CCPG1: variants seen among roughly 807,000 people sequenced by gnomAD.
The protein encoded by CCPG1 is cell cycle progression 1, also known as cell cycle progression protein 1.
CCPG1 carries 46 observed loss-of-function variants against 81.3 expected under a neutral mutation model. That is an observed-to-expected ratio of 0.57 (90% confidence interval 0.45 to 0.72). The LOEUF is 0.72. Ranked by LOEUF, CCPG1 falls within the 30% of genes least tolerant of loss-of-function variation. CCPG1 has a pLI of 0.00. For missense variants in CCPG1, 902 were observed against 937.6 expected (o/e 0.96, Z 0.50); for synonymous variants, 330 against 305.2 (o/e 1.08, Z -0.85).
chr15:55,377,245 C>T, intron 4 of CCPG1, 95 bp from the exon 5 acceptor site: 1 of 829,404 alleles, frequency 1.2e-6, no homozygotes, highest in South Asian at 1.7e-5. Flanking sequence ...TTATAGTCAT[C>T]TGAGTTAAAA....
At chr15:55,400,353 G>C (rs6493782) in intron 1 of CCPG1, among the ~76,000 whole-genome samples, 148,982 of 151,598 alleles carry the variant, frequency 0.98, 73,250 homozygotes, top group East Asian at 1. Flanking sequence ...TACTAAAATA[G>C]AAAAATTAGC....
At position 55,359,870 on chromosome 15, in the gene CCPG1, A is replaced by G. The variant is rs2056154940; in HGVS notation, c.1903T>C (p.Cys635Arg). 1.2e-6 allele frequency: 2 copies of G among 1,613,840 alleles called. No individual in the cohort carries two copies. The highest frequency in any genetic ancestry group is 1.7e-6 in the Non-Finnish European group (2 of 1,179,968). ...AGGCTCATGGACTCTTGTTGAGCAC[A>G]ATCAAATACACCAGAACAAGCCTTT... ...FRKACSGVFD[C>R]AQQESMSLFN... The change falls in exon 8 of 9, where the codon TGT (cysteine) becomes CGT (arginine). Residue 635 changes from cysteine (C) to arginine (R), a missense_variant. Physicochemically the swap from Cys to Arg is radical, Grantham distance 180. Transcript: ENST00000442196.
chr15:55,360,922 C>A lies in CCPG1; in HGVS notation c.851G>T (p.Arg284Met). The part of the protein sequence containing the change: ...DYKSLKENLA[R>M]CWTLTEAEKM... ...CTCTGCTTCAGTAAGTGTCCAACAC[C>A]TTGCAAGATTTTCTTTCAATGACTA... is the stretch of plus-strand genomic sequence containing the variant. Residue 284 changes from arginine (R) to methionine (M), a missense_variant, in exon 8 of 9, where the codon AGG becomes ATG. By Grantham distance (91) the Arg-to-Met change is moderately conservative. Transcript: ENST00000442196. 1 of 1,543,330 alleles carries A rather than the reference C, an allele frequency of 6.5e-7. No homozygotes were observed. Among genetic ancestry groups the A allele is most frequent in the Admixed American group, 2.3e-5 (1 of 44,378 alleles).
chr15:55,365,216 T>C lies in CCPG1; in HGVS notation c.800A>G (p.Gln267Arg). 1 of 1,483,182 alleles carries C rather than the reference T, an allele frequency of 6.7e-7. No homozygotes were observed. Among genetic ancestry groups the C allele is most frequent in the Non-Finnish European group, 9.3e-7 (1 of 1,071,090 alleles). 91.9% of individuals were successfully genotyped at this position (1,483,182 alleles called of 1,614,324 possible). Residue 267 changes from glutamine to arginine, a missense_variant, in exon 7 of 9, where the codon CAG becomes CGG. Physicochemically the swap from Gln to Arg is conservative, Grantham distance 43 (BLOSUM62 1). Around this residue, in one of 3 missense-constraint regions of CCPG1, gnomAD observed 746 missense variants for 728.6 expected, o/e 1.02. Coordinates refer to ENST00000442196, the MANE Select transcript of CCPG1 (RefSeq NM_001204450.2). ...ATAATCTATAAAAGATTCTTGTTCCTGTTGACACTGGGAAAGATAATCCTT... is the reference window on the plus strand; with the variant it reads ...ATAATCTATAAAAGATTCTTGTTCCCGTTGACACTGGGAAAGATAATCCTT... ...DMKDYLSQCQ[Q>R]EQESFIDYKS...
intron 8 of CCPG1, chr15:55,358,634 A>G: frequency 1.0e-6 from 1 of 985,418 alleles, no homozygotes; most frequent in Non-Finnish European, 1.2e-6. Context: ...TTCAGTTCAA[A>G]GGCCACCTCA....
chr15:55,378,149 T>C, intron 4 of CCPG1, 151 bp downstream of exon 4: 2 of 440,370 alleles, frequency 4.5e-6, no homozygotes, highest in Non-Finnish European at 8.0e-6. Flanking sequence ...TAAAATACTT[T>C]GCTTAGATGT....
chr15:55,361,456 C>A (rs1356998382), intron 7 of CCPG1, among the ~76,000 whole-genome samples: 2 of 151,286 alleles, frequency 1.3e-5, no homozygotes, highest in African/African-American at 4.9e-5. Context: ...GCCTGTAATC[C>A]CAGCACTTTG....
intron 3 of CCPG1, among the ~76,000 whole-genome samples, chr15:55,381,014 G>A (rs2056679157): frequency 6.6e-6 from 1 of 152,026 alleles, no homozygotes; most frequent in Non-Finnish European, 1.5e-5. Flanking sequence ...GTGGGCACCT[G>A]TAGTCCCAGC....
At chr15:55,362,055 A>T (rs2056212224) in intron 7 of CCPG1, among the ~76,000 whole-genome samples, 1 of 152,204 alleles carries the variant, frequency 6.6e-6, no homozygotes, top group Non-Finnish European at 1.5e-5. Context: ...AATCATGGTC[A>T]ATTCGGCTTA....
In CCPG1 at chr15:55,391,020, G is replaced by T. The variant is rs191219760; in HGVS notation, c.-9-1587C>A. Among the ~76,000 whole-genome samples, 269 of 152,312 alleles carry T rather than the reference G, an allele frequency of 1.8e-3. 1 individual carries two copies. Among genetic ancestry groups the T allele is most frequent in the African/African-American group, 6.2e-3 (257 of 41,574 alleles). On this transcript the variant is annotated intron_variant, in intron 1 of 8. Transcript: ENST00000442196. ...ATAAATTTTTTCTGTCCAGTCAGTA[G>T]AGGTTATCCAAAAAGCTACAGTTTA...
chr15:55,385,688 A>T lies in CCPG1; in HGVS notation c.87T>A (p.Ser29=). The part of the protein sequence containing the change: ...HEGSDIEMLN[S]VTPTDSCEPA... The stretch of plus-strand genomic sequence containing the variant: ...GCTCACAGCTGTCAGTGGGGGTCAC[A>T]GAATTCAACATTTCTATATCTGACC... Residue 29 remains serine (S), a synonymous_variant, in exon 3 of 9, where the codon TCT becomes TCA. Transcript: ENST00000442196. 6.2e-7 allele frequency: 1 copy of T among 1,607,710 alleles called. No homozygotes were observed. The highest frequency in any genetic ancestry group is 1.1e-5 in the South Asian group (1 of 90,922).
rs770336696 is a variant in CCPG1 at position 55,355,564 on chromosome 15, G to A, written c.*656C>T. 3 of 645,600 alleles carry A rather than the reference G, an allele frequency of 4.6e-6. No individual in the cohort carries two copies. Among genetic ancestry groups the A allele is most frequent in the Non-Finnish European group, 7.8e-6 (3 of 382,178 alleles). 40.0% of individuals were successfully genotyped at this position (645,600 alleles called of 1,614,324 possible). ...AACTGCTTTACCAAATATCACTACTGAGGAAATGTATAAAATACCACATAG... is the reference window on the plus strand; with the variant it reads ...AACTGCTTTACCAAATATCACTACTAAGGAAATGTATAAAATACCACATAG... On this transcript the variant is annotated 3_prime_UTR_variant, in exon 9 of 9. Transcript: ENST00000442196.
intron 5 of CCPG1, chr15:55,372,385 G>T: frequency 3.7e-6 from 1 of 270,708 alleles, no homozygotes; most frequent in Non-Finnish European, 7.2e-6. Context: ...TGCTGGCCAG[G>T]AGCAGTGGCT....
chr15:55,365,120 C>T lies in CCPG1; in HGVS notation c.828+68G>A, dbSNP rs118096863. 5.6e-4 allele frequency: 513 copies of T among 917,972 alleles called. 3 individuals are homozygous for T. The highest frequency in any genetic ancestry group is 6.4e-4 in the Non-Finnish European group (382 of 593,298). The allele number at this position is 917,972 out of a possible 1,614,324, so 56.9% of individuals were successfully genotyped here. On this transcript the variant is annotated intron_variant, in intron 7 of 8. Transcript: ENST00000442196. ...ATTTACTAATCTGCACTAATAAGCA[C>T]AATAAGCTCTAACTAATAAGCAAAA... is the stretch of plus-strand genomic sequence containing the variant.
chr15:55,386,259 T>G (rs1241734902), intron 2 of CCPG1, among the ~76,000 whole-genome samples: 1 of 151,200 alleles, frequency 6.6e-6, no homozygotes, highest in African/African-American at 2.4e-5. Flanking sequence ...AACACCCATA[T>G]GCAAATAACT....
At chr15:55,379,964 G>C (rs1358616633) in intron 3 of CCPG1, among the ~76,000 whole-genome samples, 1 of 151,732 alleles carries the variant, frequency 6.6e-6, no homozygotes, top group African/African-American at 2.4e-5. Context: ...GCCAGGTGTG[G>C]TGGTGCGCGC....
intron 1 of CCPG1, chr15:55,398,380 A>G (rs1344518277): frequency 6.6e-6 from 1 of 152,164 alleles, no homozygotes; most frequent in Non-Finnish European, 1.5e-5. Flanking sequence ...GGCAACCAAT[A>G]GGCTATAGGC....
At chr15:55,393,168 C>T (rs915919544) in intron 1 of CCPG1, among the ~76,000 whole-genome samples, 1 of 152,028 alleles carries the variant, frequency 6.6e-6, no homozygotes, top group African/African-American at 2.4e-5. Flanking sequence ...CCAAGAGTGG[C>T]GGCTTGCACC....
chr15:55,377,905 G>C (rs372600997), intron 4 of CCPG1, among the ~76,000 whole-genome samples: 7,913 of 101,586 alleles, frequency 0.078, 306 homozygotes, highest in South Asian at 0.12. Context: ...TATTTTGTCA[G>C]ATCAGTACAG....
Sources: allele counts gnomAD v4.1 joint callset (sites outside exome capture counted in the v4.1 genomes callset), GRCh38; gene constraint gnomAD v4.1.1; regional missense constraint gnomAD v4.1.1; transcripts MANE v1.5; gene names NCBI Gene and HGNC (gene_info 2026-07-23, HGNC 2026-07-21).